The following ATP13A3 variants were observed in gnomAD, a reference collection of about 807,000 sequenced individuals.
ATP13A3 encodes ATPase 13A3.
A neutral mutation model predicts 158.1 loss-of-function variants in ATP13A3; 59 were observed. The observed-to-expected ratio is 0.37, with a 90% CI of 0.30 to 0.46. The LOEUF (loss-of-function observed/expected upper bound fraction) is 0.46. Among genes scored for constraint, ATP13A3 ranks in the 20% least tolerant of loss-of-function variants. The pLI, the probability that ATP13A3 is intolerant of heterozygous loss-of-function variation, is 1.00. For missense variants in ATP13A3, 1,166 were observed against 1,525.2 expected (o/e 0.76, Z 3.92); for synonymous variants, 491 against 504.3 (o/e 0.97, Z 0.35).
At chr3:194,476,674 A>G (rs1720536644) in intron 2 of ATP13A3, among the ~76,000 whole-genome samples, 1 of 151,536 alleles carries the variant, frequency 6.6e-6, no homozygotes, top group African/African-American at 2.4e-5. Context: ...AGATATGACC[A>G]TTTCCCTCTC....
At chr3:194,428,995 G>T in intron 27 of ATP13A3, 78 bp from the exon 28 acceptor site, 1 of 960,224 alleles carries the variant, frequency 1.0e-6, no homozygotes, top group Non-Finnish European at 1.5e-6. Flanking sequence ...TTAATAGTTT[G>T]GATTTTCCCT....
intron 6 of ATP13A3, among the ~76,000 whole-genome samples, chr3:194,458,082 C>T (rs190733843): frequency 7.2e-5 from 11 of 151,954 alleles, no homozygotes; most frequent in South Asian, 2.1e-4. Flanking sequence ...CACCACCCCC[C>T]GCCTTAATTA....
chr3:194,484,485 A>G (rs778660214), intron 2 of ATP13A3, among the ~76,000 whole-genome samples: 5 of 152,218 alleles, frequency 3.3e-5, no homozygotes, highest in Admixed American at 6.5e-5. Context: ...CATAGGCACT[A>G]TATCATATTA....
chr3:194,437,292 A>G lies in ATP13A3; in HGVS notation c.1999+19T>C. The G allele has an allele frequency of 6.2e-7, 1 of 1,614,198 alleles. No homozygotes were observed. Among genetic ancestry groups the G allele is most frequent in the Non-Finnish European group, 8.5e-7 (1 of 1,180,028 alleles). On this transcript the variant is annotated intron_variant, in intron 19 of 33. Transcript: ENST00000645319. ...ACTCAAATACCAGAATTGTACCCAA[A>G]GCATAGATATTTCCTTACCTGTTTC...
chr3:194,417,711 G>A (rs1715967296), intron 31 of ATP13A3, among the ~76,000 whole-genome samples: 1 of 152,120 alleles, frequency 6.6e-6, no homozygotes, highest in Non-Finnish European at 1.5e-5. Flanking sequence ...GGCTGAGGCA[G>A]GAGGATCACT....
At chr3:194,480,883 C>A (rs1001416002) in intron 2 of ATP13A3, among the ~76,000 whole-genome samples, 1 of 152,166 alleles carries the variant, frequency 6.6e-6, no homozygotes, top group Non-Finnish European at 1.5e-5. Context: ...ATCTAAGACC[C>A]ATTCACCTGT....
At chr3:194,410,296 CAAAA>C (rs772008929) in intron 33 of ATP13A3, among the ~76,000 whole-genome samples, 26 of 21,810 alleles carry the variant, frequency 1.2e-3, no homozygotes, top group Admixed American at 3.6e-3. Flanking sequence ...CTCCTCTCTG[CAAAA>C]AAAAAAAAAA....
intron 16 of ATP13A3, among the ~76,000 whole-genome samples, chr3:194,439,961 C>T (rs563802958): frequency 6.6e-6 from 1 of 152,256 alleles, no homozygotes; most frequent in African/African-American, 2.4e-5. Context: ...GCCTCCTTTT[C>T]AGAATTAAAC....
chr3:194,439,249 C>G (rs1054282548), intron 16 of ATP13A3, among the ~76,000 whole-genome samples: 2 of 152,182 alleles, frequency 1.3e-5, no homozygotes, highest in African/African-American at 4.8e-5. Context: ...AAACTGATCT[C>G]ACTTCACTCT....
chr3:194,427,295 A>T lies in ATP13A3; in HGVS notation c.2948-43T>A, dbSNP rs574184650. On this transcript the variant is annotated intron_variant, in intron 28 of 33. Coordinates refer to ENST00000645319, the MANE Select transcript of ATP13A3 (RefSeq NM_001367549.1). ...AGAGGAAAGGTTTGTATTTACATTA[A>T]TCTATCACTATATAAGGCATAACTA... 5.3e-6 allele frequency: 8 copies of T among 1,512,868 alleles called. No individual in the cohort carries two copies. In the South Asian group the frequency reaches 6.2e-5, roughly 12 times the overall value. The allele number at this position is 1,512,868 out of a possible 1,614,324, so 93.7% of individuals were successfully genotyped here. A position where few individuals can be genotyped will look rare whatever the true frequency, so the allele number is the denominator to read the frequency against.
At chr3:194,443,802 G>C (rs1209893947) in intron 15 of ATP13A3, among the ~76,000 whole-genome samples, 1 of 152,002 alleles carries the variant, frequency 6.6e-6, no homozygotes, top group Non-Finnish European at 1.5e-5. Context: ...AAAGAGATGA[G>C]CCAGAGACTA....
Position 194,459,493 on chromosome 3 carries a change from T to C in ATP13A3, c.457A>G (p.Ile153Val), listed in dbSNP as rs202153827. The change falls in exon 6 of 34, where the codon ATT (isoleucine) becomes GTT (valine). Residue 153 changes from isoleucine (I) to valine (V), a missense_variant. Transcript: ENST00000645319. ...HSVKYFWNDT[I>V]HNFDFLKGLD... ...TACTTTAAGAAATCAAAATTGTGAA[T>C]GGTATCATTCCAGAAATATTTTACA... 2.5e-6 allele frequency: 4 copies of C among 1,599,520 alleles called. No individual in the cohort carries two copies. In the Admixed American group the frequency reaches 6.7e-5, roughly 27 times the overall value.
intron 15 of ATP13A3, among the ~76,000 whole-genome samples, chr3:194,444,311 C>T (rs1251708423): frequency 6.6e-6 from 1 of 152,136 alleles, no homozygotes; most frequent in Admixed American, 6.6e-5. Flanking sequence ...AAGGTTTAAT[C>T]ATTCAATGGA....
At chr3:194,482,677 T>C (rs1482871327) in intron 2 of ATP13A3, among the ~76,000 whole-genome samples, 2 of 152,186 alleles carry the variant, frequency 1.3e-5, no homozygotes, top group African/African-American at 4.8e-5. Flanking sequence ...AGTGGTTAAT[T>C]AGAACATGGT....
chr3:194,489,404 T>C (rs558986315), upstream of ATP13A3, among the ~76,000 whole-genome samples: 1 of 152,162 alleles, frequency 6.6e-6, no homozygotes, highest in East Asian at 1.9e-4. This position sits in a 1 kb window ranked among gnomAD's most constrained non-coding sequence, Gnocchi z 4.1. Context: ...GATTGCGCCA[T>C]TGCACTCCAC....
intron 2 of ATP13A3, among the ~76,000 whole-genome samples, chr3:194,469,927 C>G (rs1720223463): frequency 6.6e-6 from 1 of 152,140 alleles, no homozygotes; most frequent in Non-Finnish European, 1.5e-5. Context: ...TGAACAATTT[C>G]AATTTTAATA....
intron 9 of ATP13A3, 53 bp from the exon 10 acceptor site, chr3:194,453,831 G>GA: frequency 1.4e-6 from 2 of 1,394,702 alleles, no homozygotes; most frequent in South Asian, 1.2e-5. Context: ...CACTCCTCAG[G>GA]AAAAAAGCCA....
chr3:194,455,666 G>A (rs1020538950), intron 8 of ATP13A3, among the ~76,000 whole-genome samples: 2 of 152,182 alleles, frequency 1.3e-5, no homozygotes, highest in African/African-American at 4.8e-5. Context: ...GCCTAACTCT[G>A]CTAGACATTC....
At chr3:194,467,954 CA>C (rs1362432396) in intron 2 of ATP13A3, 1 of 152,072 alleles carries the variant, frequency 6.6e-6, no homozygotes, top group Non-Finnish European at 1.5e-5. Context: ...TCAGAGAAAA[CA>C]AATTGAAGAA....
Sources: gnomAD v4.1 joint callset for allele counts (sites outside exome capture counted in the v4.1 genomes callset) on GRCh38, gnomAD v4.1.1 for gene constraint, Gnocchi (gnomAD v3.1) non-coding constraint, MANE v1.5 for transcripts, NCBI Gene and HGNC (gene_info 2026-07-23, HGNC 2026-07-21) for gene names.